PTPRA: variants seen among roughly 807,000 people sequenced by gnomAD.
PTPRA encodes the protein protein tyrosine phosphatase receptor type A, also known as receptor-type tyrosine-protein phosphatase alpha.
PTPRA carries 25 observed loss-of-function variants against 104.8 expected under a neutral mutation model. The observed-to-expected ratio is 0.24, with a 90% CI of 0.17 to 0.33. The LOEUF is 0.33. PTPRA is among the 10% of genes least tolerant of loss of function. The pLI is 1.00. For missense variants in PTPRA, 765 were observed against 1,015.3 expected, an observed-to-expected ratio of 0.75 and a Z score of 3.35; for synonymous variants, 323 against 368.9, an observed-to-expected ratio of 0.88 and a Z score of 1.43.
intron 1 of PTPRA, among the ~76,000 whole-genome samples, chr20:2,875,399 T>C (rs1194472741): frequency 6.6e-6 from 1 of 152,132 alleles, no homozygotes; most frequent in Non-Finnish European, 1.5e-5. Context: ...TTGTAAGGCA[T>C]GGTGGGATCC....
At chr20:2,954,640 C>G (rs746937914) in intron 3 of PTPRA, among the ~76,000 whole-genome samples, 3 of 152,142 alleles carry the variant, frequency 2.0e-5, no homozygotes, top group Non-Finnish European at 4.4e-5. Context: ...TTTTTCCCAT[C>G]CATGGATTGC....
chr20:2,897,384 C>CTTTTTTT (rs60627339), intron 1 of PTPRA, among the ~76,000 whole-genome samples: 53 of 108,914 alleles, frequency 4.9e-4, no homozygotes, highest in Middle Eastern at 4.9e-3. Context: ...CTTGGCATTT[C>CTTTTTTT]TTTTTTTTTT....
At chr20:2,903,966 G>T (rs947598648) in intron 1 of PTPRA, among the ~76,000 whole-genome samples, 1 of 151,784 alleles carries the variant, frequency 6.6e-6, no homozygotes, top group Non-Finnish European at 1.5e-5. Context: ...GGGCAGTGGC[G>T]CAATCATGGC....
At chr20:2,890,062 ATT>A (rs11359203) in intron 1 of PTPRA, among the ~76,000 whole-genome samples, 199 of 134,658 alleles carry the variant, frequency 1.5e-3, no homozygotes, top group Admixed American at 3.1e-3. Flanking sequence ...TAATTTTTTG[ATT>A]TTTTTTTTTT....
intron 1 of PTPRA, among the ~76,000 whole-genome samples, chr20:2,915,810 C>CA (rs2059883671): frequency 6.6e-6 from 1 of 152,070 alleles, no homozygotes; most frequent in Non-Finnish European, 1.5e-5. Flanking sequence ...CAAGATGGTG[C>CA]CCATCTCTAC....
At chr20:3,007,196 A>G (rs1433248769) in intron 10 of PTPRA, 148 bp from the exon 11 acceptor site, 2 of 668,314 alleles carry the variant, frequency 3.0e-6, no homozygotes, top group Non-Finnish European at 5.0e-6. Flanking sequence ...TTGCTGTTAT[A>G]CTGTTGGAGT....
At chr20:2,980,655 G>T (rs1212316954) in intron 6 of PTPRA, among the ~76,000 whole-genome samples, 2 of 152,084 alleles carry the variant, frequency 1.3e-5, no homozygotes, top group Admixed American at 1.3e-4. Context: ...TTCAAGACCA[G>T]CCTGGGCAAC....
chr20:2,957,277 T>G (rs1242360117), intron 3 of PTPRA, among the ~76,000 whole-genome samples: 1 of 152,202 alleles, frequency 6.6e-6, no homozygotes, highest in African/African-American at 2.4e-5. Flanking sequence ...AGAGCGAGAC[T>G]CCGTCTCAAA....
chr20:2,928,183 T>C (rs979643016), intron 2 of PTPRA, among the ~76,000 whole-genome samples: 11 of 152,038 alleles, frequency 7.2e-5, no homozygotes, highest in Non-Finnish European at 1.3e-4. Flanking sequence ...TTGCCCAGGC[T>C]GGAGTGCAGT....
intron 10 of PTPRA, among the ~76,000 whole-genome samples, chr20:3,006,829 C>T (rs149690853): frequency 6.6e-6 from 1 of 152,188 alleles, no homozygotes; most frequent in East Asian, 1.9e-4. Context: ...CGGAGTTTCA[C>T]CATGTTGGCC....
intron 1 of PTPRA, among the ~76,000 whole-genome samples, chr20:2,905,104 G>A (rs934994398): frequency 6.6e-5 from 10 of 152,094 alleles, no homozygotes; most frequent in Admixed American, 2.0e-4. Flanking sequence ...ACCCTACTGC[G>A]AACTGTACAC....
chr20:2,865,848 T>C, the PTPRA span: 1 of 455,558 alleles, frequency 2.2e-6, no homozygotes. This position sits in a 1 kb window ranked among gnomAD's most constrained non-coding sequence, Gnocchi z 5.2. Context: ...AGGGCTGTTT[T>C]CTGTGGTGGG....
intron 1 of PTPRA, among the ~76,000 whole-genome samples, chr20:2,888,996 T>C (rs1468846824): frequency 6.6e-6 from 1 of 152,210 alleles, no homozygotes; most frequent in Non-Finnish European, 1.5e-5. Flanking sequence ...ACTTATCCAG[T>C]TGTACTTGGT....
chr20:2,943,306 A>G (rs1236830589), intron 2 of PTPRA, among the ~76,000 whole-genome samples: 1 of 149,252 alleles, frequency 6.7e-6, no homozygotes, highest in African/African-American at 2.5e-5. Context: ...CATATTATAT[A>G]GATTTATTTT....
chr20:2,870,183 A>G (rs982357498), upstream of PTPRA, among the ~76,000 whole-genome samples: 1 of 151,910 alleles, frequency 6.6e-6, no homozygotes, highest in African/African-American at 2.4e-5. Flanking sequence ...AGCCTGGCCA[A>G]CATGGTGAAA....
At chr20:3,036,663 C>G (rs564908574) in intron 22 of PTPRA, among the ~76,000 whole-genome samples, 17 of 152,352 alleles carry the variant, frequency 1.1e-4, no homozygotes, top group African/African-American at 4.1e-4. Context: ...CACTCAGTGT[C>G]TGGTGAGTGA....
chr20:2,906,519 T>C (rs1284323859), intron 1 of PTPRA, among the ~76,000 whole-genome samples: 1 of 152,144 alleles, frequency 6.6e-6, no homozygotes, highest in Non-Finnish European at 1.5e-5. Flanking sequence ...AAAACAAATT[T>C]TGAGAAATTT....
chr20:2,869,509 C>T (rs1000456878), upstream of PTPRA, among the ~76,000 whole-genome samples: 3 of 152,178 alleles, frequency 2.0e-5, no homozygotes, highest in African/African-American at 4.8e-5. Flanking sequence ...TGCCTTCTGC[C>T]CTGAGCAGTT....
intron 6 of PTPRA, among the ~76,000 whole-genome samples, chr20:2,981,171 A>G (rs1184019635): frequency 6.6e-6 from 1 of 152,188 alleles, no homozygotes; most frequent in African/African-American, 2.4e-5. Flanking sequence ...TGAGACACTC[A>G]GGGAAATTCA....
Sources: allele counts gnomAD v4.1 joint callset (sites outside exome capture counted in the v4.1 genomes callset), GRCh38; gene constraint gnomAD v4.1.1; non-coding constraint Gnocchi (gnomAD v3.1); transcripts MANE v1.5; gene names NCBI Gene and HGNC (gene_info 2026-07-23, HGNC 2026-07-21).